The following SLC25A16 variants were observed in gnomAD, a reference collection of about 807,000 sequenced individuals.
The protein encoded by SLC25A16 is solute carrier family 25 member 16.
SLC25A16 carries 39 observed loss-of-function variants against 41.5 expected under a neutral mutation model. The ratio of observed to expected loss-of-function variants is 0.94; its 90% confidence interval spans 0.73 to 1.23. The LOEUF is 1.23. Ranked by LOEUF, SLC25A16 falls within the 50% of genes most tolerant of loss-of-function variation. SLC25A16 has a pLI of 0.00. For missense variants in SLC25A16, 421 were observed against 426.9 expected, an observed-to-expected ratio of 0.99 and a Z score of 0.12; for synonymous variants, 146 against 147.8, an observed-to-expected ratio of 0.99 and a Z score of 0.09.
Position 68,479,597 on chromosome 10 carries a change from G to GTA in SLC25A16, c.*3833_*3834dup, listed in dbSNP as rs750181247. On this transcript the variant is annotated 3_prime_UTR_variant, in exon 9 of 9. Transcript: ENST00000609923. ...GGGGGGGCAGATCACTTGAGGTCAG[G>GTA]TATTCAAGACCAGCCTGGCCAACAG... 4 of 152,198 alleles carry GTA rather than the reference G, an allele frequency of 2.6e-5. No homozygotes were observed. The highest frequency in any genetic ancestry group is 5.9e-5 in the Non-Finnish European group (4 of 68,100). 9.4% of individuals were successfully genotyped at this position (152,198 alleles called of 1,614,324 possible).
intron 1 of SLC25A16, 53 bp downstream of exon 1, chr10:68,527,193 A>T: frequency 6.6e-7 from 1 of 1,520,416 alleles, no homozygotes; most frequent in East Asian, 2.5e-5. Context: ...ACTTGCCCAC[A>T]GTCCTGCCCC....
In SLC25A16 at chr10:68,527,290, G is replaced by C. The variant is rs1437325170; in HGVS notation, c.86C>G (p.Thr29Arg). 1.9e-6 allele frequency: 3 copies of C among 1,547,878 alleles called. No homozygotes were observed. In the South Asian group the frequency reaches 3.6e-5, roughly 18 times the overall value. The change falls in exon 1 of 9, where the codon ACA becomes AGA. Residue 29 changes from threonine (T) to arginine (R), a missense_variant. By Grantham distance (71) the Thr-to-Arg change is moderately conservative. Transcript: ENST00000609923. ...CAGCCAGTAGAAGTCTCTGCGGGTTGTGGGCCCTCCGGCCCCTGCCGCCTG... is the reference window on the plus strand; with the variant it reads ...CAGCCAGTAGAAGTCTCTGCGGGTTCTGGGCCCTCCGGCCCCTGCCGCCTG... ...MPQAAGAGGP[T>R]TRRDFYWLRS...
intron 6 of SLC25A16, among the ~76,000 whole-genome samples, chr10:68,488,882 T>C (rs1218990180): frequency 2.0e-5 from 3 of 152,190 alleles, no homozygotes; most frequent in African/African-American, 7.2e-5. Context: ...CCACTTTATA[T>C]GTGGAAAAAA....
chr10:68,498,510 C>G (rs2052789117), intron 4 of SLC25A16, among the ~76,000 whole-genome samples: 1 of 151,870 alleles, frequency 6.6e-6, no homozygotes, highest in Non-Finnish European at 1.5e-5. Flanking sequence ...AGCAAAATAA[C>G]TTCTCATTTT....
intron 2 of SLC25A16, among the ~76,000 whole-genome samples, chr10:68,510,278 T>C (rs561668511): frequency 6.6e-6 from 1 of 152,000 alleles, no homozygotes; most frequent in African/African-American, 2.4e-5. Context: ...ACGCCTGTAA[T>C]CCCAGCACTT....
At chr10:68,487,066 A>T (rs2052576505) in intron 8 of SLC25A16, 78 bp downstream of exon 8, 2 of 1,117,758 alleles carry the variant, frequency 1.8e-6, no homozygotes, top group Non-Finnish European at 2.7e-6. Context: ...CTATTGGTCA[A>T]ACTAGAGTCC....
intron 3 of SLC25A16, 120 bp downstream of exon 3, chr10:68,506,465 A>T (rs1457100493): frequency 4.2e-6 from 3 of 713,566 alleles, no homozygotes; most frequent in Non-Finnish European, 6.0e-6. Flanking sequence ...AAAAAAACCA[A>T]TAATTTAACT....
At chr10:68,489,204 G>A (rs757794130) in intron 6 of SLC25A16, among the ~76,000 whole-genome samples, 12 of 152,184 alleles carry the variant, frequency 7.9e-5, no homozygotes, top group Admixed American at 1.3e-4. Flanking sequence ...AGGAGGCGGA[G>A]TTTGCGGTGA....
chr10:68,521,616 C>CG (rs1161211974), intron 1 of SLC25A16, among the ~76,000 whole-genome samples: 1 of 120,222 alleles, frequency 8.3e-6, no homozygotes, highest in East Asian at 2.5e-4. Context: ...TTTTTTGAGA[C>CG]GGAGTCTCGC....
chr10:68,523,538 T>G (rs1255351455), intron 1 of SLC25A16, among the ~76,000 whole-genome samples: 1 of 152,144 alleles, frequency 6.6e-6, no homozygotes, highest in African/African-American at 2.4e-5. Flanking sequence ...AGTGGAGCGA[T>G]CTTGTCTCAC....
In SLC25A16 at chr10:68,483,399, A is replaced by G; in HGVS notation, c.*33T>C. Reference sequence around the variant, plus strand: ...GTAATGTTTCATTTCTCCCTCTGAGAATGTATTAAGAAAAACCAACCATAA... The same window carrying G: ...GTAATGTTTCATTTCTCCCTCTGAGGATGTATTAAGAAAAACCAACCATAA... On this transcript the variant is annotated 3_prime_UTR_variant, in exon 9 of 9. Coordinates refer to ENST00000609923, the MANE Select transcript of SLC25A16 (RefSeq NM_152707.4). The G allele has an allele frequency of 7.3e-7, 1 of 1,360,854 alleles. No homozygotes were observed. Among genetic ancestry groups the G allele is most frequent in the Non-Finnish European group, 1.0e-6 (1 of 983,010 alleles). 84.3% of individuals were successfully genotyped at this position (1,360,854 alleles called of 1,614,324 possible).
Position 68,493,156 on chromosome 10 carries a change from T to C in SLC25A16, c.586A>G (p.Ile196Val), listed in dbSNP as rs767612815. The part of the protein sequence containing the change: ...FGFYRGLMPT[I>V]LGMAPYAGVS... ...CCTGCATATGGAGCCATTCCTAAAA[T>C]AGTAGGCATCAGACCTCTGTAAAAT... The change falls in exon 6 of 9, where the codon ATT becomes GTT. Residue 196 changes from isoleucine to valine, a missense_variant. By Grantham distance (29) the Ile-to-Val change is conservative (BLOSUM62 3). Transcript: ENST00000609923. 6.3e-7 allele frequency: 1 copy of C among 1,596,750 alleles called. No homozygotes were observed. The highest frequency in any genetic ancestry group is 8.5e-7 in the Non-Finnish European group (1 of 1,174,792).
chr10:68,500,598 G>T (rs2052824770), intron 4 of SLC25A16, among the ~76,000 whole-genome samples: 2 of 151,118 alleles, frequency 1.3e-5, no homozygotes, highest in African/African-American at 4.9e-5. Flanking sequence ...AAGAGCTACT[G>T]TGCCCGGCCC....
chr10:68,501,677 T>A (rs1241433893), intron 4 of SLC25A16, among the ~76,000 whole-genome samples: 1 of 139,474 alleles, frequency 7.2e-6, no homozygotes, highest in Non-Finnish European at 1.5e-5. Flanking sequence ...GTCCCAGCAC[T>A]TTGGAGGCTG....
Position 68,483,188 on chromosome 10 carries a change from C to T in SLC25A16, c.*244G>A, listed in dbSNP as rs576418962. 6.0e-5 allele frequency: 18 copies of T among 297,720 alleles called. No individual in the cohort carries two copies. The highest frequency in any genetic ancestry group is 1.0e-4 in the Admixed American group (2 of 19,692). The allele number at this position is 297,720 out of a possible 1,614,324, so 18.4% of individuals were successfully genotyped here. ...TCTACTTCCAAATAAAACTTTAAAG[C>T]GGTTTAGCCAGCATCAGCTTAGGAA... On this transcript the variant is annotated 3_prime_UTR_variant, in exon 9 of 9. Transcript: ENST00000609923.
intron 2 of SLC25A16, among the ~76,000 whole-genome samples, chr10:68,508,551 C>A (rs1266058635): frequency 6.6e-6 from 1 of 151,832 alleles, no homozygotes. Context: ...CCCGTCTCTA[C>A]TAAAGATACA....
chr10:68,482,055 A>C lies in SLC25A16; in HGVS notation c.*1377T>G, dbSNP rs1422664449. 6.6e-6 allele frequency: 1 copy of C among 152,218 alleles called. No individual in the cohort carries two copies. Among genetic ancestry groups the C allele is most frequent in the Non-Finnish European group, 1.5e-5 (1 of 68,070 alleles). 9.4% of individuals were successfully genotyped at this position (152,218 alleles called of 1,614,324 possible). A position where few individuals can be genotyped will look rare whatever the true frequency, so the allele number is the denominator to read the frequency against. On this transcript the variant is annotated 3_prime_UTR_variant, in exon 9 of 9. Coordinates refer to ENST00000609923, the MANE Select transcript of SLC25A16 (RefSeq NM_152707.4). ...CGGTGAAATCCCGTCTCTACTAAAA[A>C]TACAAAAATTAGCCAGGCGAATTTT...
At chr10:68,494,787 G>C (rs866714500) in intron 4 of SLC25A16, among the ~76,000 whole-genome samples, 5 of 140,142 alleles carry the variant, frequency 3.6e-5, no homozygotes, top group African/African-American at 1.2e-4. Context: ...TGAGGCAAGA[G>C]AATCACTTGA....
chr10:68,506,802 G>A (rs1447705505), intron 2 of SLC25A16, 84 bp from the exon 3 acceptor site: 30 of 762,318 alleles, frequency 3.9e-5, no homozygotes, highest in Non-Finnish European at 5.9e-5. Flanking sequence ...AAAGATTAAT[G>A]TGCCATCACT....
Sources: allele counts gnomAD v4.1 joint callset (sites outside exome capture counted in the v4.1 genomes callset), GRCh38; gene constraint gnomAD v4.1.1; transcripts MANE v1.5; gene names NCBI Gene and HGNC (gene_info 2026-07-23, HGNC 2026-07-21).